Variants in RAPGEF6 observed in about 807,000 individuals in gnomAD.
RAPGEF6 encodes the protein Rap guanine nucleotide exchange factor 6.
Under a neutral mutation model 171.4 loss-of-function variants are expected in RAPGEF6, and 56 were observed. The ratio of observed to expected loss-of-function variants is 0.33; its 90% CI spans 0.26 to 0.41. The LOEUF (loss-of-function observed/expected upper bound fraction) is 0.41. Ranked by LOEUF, RAPGEF6 falls within the 10% of genes least tolerant of loss-of-function variation. The pLI is 1.00. For missense variants in RAPGEF6, 1,674 were observed against 1,921.4 expected, an observed-to-expected ratio of 0.87 and a Z score of 2.41; for synonymous variants, 692 against 650.1, an observed-to-expected ratio of 1.06 and a Z score of -0.98.
intron 3 of RAPGEF6, among the ~76,000 whole-genome samples, chr5:131,593,604 T>A (rs1763715794): frequency 6.6e-6 from 1 of 152,220 alleles, no homozygotes; most frequent in Non-Finnish European, 1.5e-5. Context: ...ATAAGTGATA[T>A]AAACAATGAA....
rs766186198 is a variant in RAPGEF6 at position 131,562,015 on chromosome 5, C to T, written c.314G>A (p.Cys105Tyr). 1.1e-5 allele frequency: 18 copies of T among 1,591,230 alleles called. No individual in the cohort carries two copies. In the African/African-American group the frequency reaches 2.3e-4, roughly 20 times the overall value. Residue 105 changes from cysteine (C) to tyrosine (Y), a missense_variant, in exon 5 of 28, where the codon TGT becomes TAT. Cys to Tyr is a radical substitution (Grantham distance 194). Transcript: ENST00000509018. ...TGAAGGCTCTAATACAAGACAATCA[C>T]ATCCTCTTTTTCCTCCAAACTGCTT... ...FGKQFGGKRGCDCLVLEPSEM... is the reference protein window; with the variant it reads ...FGKQFGGKRGYDCLVLEPSEM...
intron 4 of RAPGEF6, among the ~76,000 whole-genome samples, chr5:131,570,781 A>T (rs1021009490): frequency 8.7e-4 from 132 of 152,268 alleles, no homozygotes; most frequent in African/African-American, 3.2e-3. Context: ...CTCTCTCTCC[A>T]GAAAGCCAAA....
At chr5:131,435,608 C>T (rs1751963689) in intron 24 of RAPGEF6, among the ~76,000 whole-genome samples, 1 of 152,254 alleles carries the variant, frequency 6.6e-6, no homozygotes, top group South Asian at 2.1e-4. Context: ...CATTTTTTAA[C>T]AAGTTTCCCA....
At chr5:131,495,279 C>G (rs991444569) in intron 13 of RAPGEF6, among the ~76,000 whole-genome samples, 7 of 148,822 alleles carry the variant, frequency 4.7e-5, no homozygotes, top group Admixed American at 6.7e-5. Context: ...TGGGCGACAG[C>G]GAGACTCCGT....
chr5:131,454,730 G>A (rs1191234910), intron 20 of RAPGEF6, among the ~76,000 whole-genome samples: 3 of 152,050 alleles, frequency 2.0e-5, no homozygotes, highest in Non-Finnish European at 4.4e-5. Flanking sequence ...AGGTTTCAAG[G>A]TGTCCTACAG....
chr5:131,571,289 C>T (rs1252930052), intron 4 of RAPGEF6, among the ~76,000 whole-genome samples: 2 of 152,066 alleles, frequency 1.3e-5, no homozygotes, highest in African/African-American at 4.8e-5. Flanking sequence ...GTTTGCTCCA[C>T]TCTGTCACAA....
chr5:131,458,333 C>T (rs2149830860), intron 19 of RAPGEF6, among the ~76,000 whole-genome samples: 1 of 152,298 alleles, frequency 6.6e-6, no homozygotes, highest in East Asian at 1.9e-4. Flanking sequence ...CCCTCACTCT[C>T]TCTCTCTCTG....
chr5:131,456,069 A>C, intron 19 of RAPGEF6, 57 bp from the exon 20 acceptor site: 1 of 1,300,630 alleles, frequency 7.7e-7, no homozygotes, highest in Non-Finnish European at 1.1e-6. Flanking sequence ...GGGTGGACTC[A>C]GGTCAGCATA....
chr5:131,473,345 C>G (rs1327409302), intron 16 of RAPGEF6, among the ~76,000 whole-genome samples: 1 of 152,118 alleles, frequency 6.6e-6, no homozygotes, highest in Non-Finnish European at 1.5e-5. Context: ...TTTAATCTCT[C>G]AAGTCTAATT....
At chr5:131,598,740 A>G (rs142447039) in intron 3 of RAPGEF6, among the ~76,000 whole-genome samples, 21 of 152,342 alleles carry the variant, frequency 1.4e-4, no homozygotes, top group African/African-American at 3.8e-4. Flanking sequence ...AGACTAAATA[A>G]ATGGAAGAAT....
At chr5:131,437,194 G>C (rs531485934) in intron 24 of RAPGEF6, among the ~76,000 whole-genome samples, 2 of 152,298 alleles carry the variant, frequency 1.3e-5, no homozygotes, top group East Asian at 3.9e-4. Flanking sequence ...ATTTCTTCAG[G>C]CTTCTAAGAA....
intron 7 of RAPGEF6, among the ~76,000 whole-genome samples, chr5:131,519,591 A>G (rs1233275507): frequency 6.6e-6 from 1 of 152,132 alleles, no homozygotes; most frequent in African/African-American, 2.4e-5. Context: ...TCGTAGAGAC[A>G]GGGTTTCACC....
Position 131,588,764 on chromosome 5 carries a change from C to A in RAPGEF6, c.281+3619G>T, listed in dbSNP as rs143388910. Among the ~76,000 whole-genome samples, 632 of 151,450 alleles carry A rather than the reference C, an allele frequency of 4.2e-3. 13 individuals are homozygous for A. The highest frequency in any genetic ancestry group is 2.7e-3 in the Non-Finnish European group (180 of 67,798). ...TCTTAAAAAACAACAACAACAACAA[C>A]AAAAACAATAAAGATTAATGGAAAA... On this transcript the variant is annotated intron_variant, in intron 4 of 27. Transcript: ENST00000509018.
In RAPGEF6 at chr5:131,433,672, G is replaced by C. The variant is rs1751848559; in HGVS notation, c.3746-14C>G. On this transcript the variant is annotated splice_polypyrimidine_tract_variant and intron_variant, in intron 24 of 27. Transcript: ENST00000509018. ...TAAGTGTGTAACCTGAACAAGAAAA[G>C]AGCACTGATCAAACTACAAAAAAAG... The C allele has an allele frequency of 1.3e-6, 2 of 1,565,882 alleles. No individual in the cohort carries two copies. The highest frequency in any genetic ancestry group is 1.8e-6 in the Non-Finnish European group (2 of 1,137,606).
chr5:131,542,606 T>C (rs757410620), intron 6 of RAPGEF6, among the ~76,000 whole-genome samples: 143 of 152,300 alleles, frequency 9.4e-4, no homozygotes, highest in Middle Eastern at 3.4e-3. Context: ...TATAGAATAA[T>C]TGTAATTATA....
At chr5:131,571,984 C>A in intron 4 of RAPGEF6, among the ~76,000 whole-genome samples, 1 of 152,108 alleles carries the variant, frequency 6.6e-6, no homozygotes, top group Admixed American at 6.5e-5. Context: ...CCATCCCCTG[C>A]CTGCAAAAAA....
At chr5:131,439,026 G>A (rs150551301) in intron 24 of RAPGEF6, among the ~76,000 whole-genome samples, 1,876 of 152,090 alleles carry the variant, frequency 0.012, 30 homozygotes, top group African/African-American at 0.039. Context: ...AGGCTCAAGC[G>A]ATCCTCTCAC....
intron 16 of RAPGEF6, among the ~76,000 whole-genome samples, chr5:131,479,098 A>T (rs1415078797): frequency 2.6e-5 from 4 of 152,126 alleles, no homozygotes; most frequent in African/African-American, 9.7e-5. Context: ...GGAAATAGAA[A>T]TAGGTCTGAT....
chr5:131,436,772 A>C (rs1459138914), intron 24 of RAPGEF6, among the ~76,000 whole-genome samples: 2 of 152,224 alleles, frequency 1.3e-5, no homozygotes, highest in Non-Finnish European at 2.9e-5. Context: ...TACTATGAAG[A>C]AGCTTAGTAA....
Sources: gnomAD v4.1 joint callset for allele counts (sites outside exome capture counted in the v4.1 genomes callset) on GRCh38, gnomAD v4.1.1 for gene constraint, MANE v1.5 for transcripts, NCBI Gene and HGNC (gene_info 2026-07-23, HGNC 2026-07-21) for gene names.